FHIT: variants seen among roughly 807,000 people sequenced by gnomAD.
FHIT encodes fragile histidine triad diadenosine triphosphatase.
Under a neutral mutation model 17.9 loss-of-function variants are expected in FHIT, and 19 were observed. The observed-to-expected ratio is 1.06, with a 90% CI of 0.74 to 1.56. The LOEUF (loss-of-function observed/expected upper bound fraction) is 1.56. FHIT is among the 40% of genes most tolerant of loss of function. The pLI, the probability that FHIT is intolerant of heterozygous loss-of-function variation, is 0.00. For synonymous variants in FHIT, 81 were observed against 69.7 expected (o/e 1.16, Z -0.81); for missense variants, 248 against 189.2 (o/e 1.31, Z -1.82).
chr3:61,026,689 A>G (rs972432729), intron 3 of FHIT, among the ~76,000 whole-genome samples: 2 of 152,082 alleles, frequency 1.3e-5, no homozygotes, highest in African/African-American at 4.8e-5. Flanking sequence ...AGTTGCCGTT[A>G]GTGTATTTTA....
At chr3:60,339,917 T>G (rs1710433219) in intron 5 of FHIT, among the ~76,000 whole-genome samples, 1 of 152,112 alleles carries the variant, frequency 6.6e-6, no homozygotes, top group African/African-American at 2.4e-5. Context: ...AATCTTTATT[T>G]CCAAAAGAGG....
At chr3:60,392,769 A>T (rs1051370652) in intron 5 of FHIT, among the ~76,000 whole-genome samples, 10 of 152,200 alleles carry the variant, frequency 6.6e-5, no homozygotes, top group Non-Finnish European at 1.0e-4. Flanking sequence ...AGCAGTGGCT[A>T]CCAAGAGGTG....
chr3:60,608,688 A>C (rs540158151), intron 4 of FHIT, among the ~76,000 whole-genome samples: 1 of 152,258 alleles, frequency 6.6e-6, no homozygotes, highest in East Asian at 1.9e-4. Context: ...CACAATCTAG[A>C]CTTTGTTTTT....
At chr3:61,066,558 T>G (rs927680866) in intron 2 of FHIT, among the ~76,000 whole-genome samples, 6 of 152,150 alleles carry the variant, frequency 3.9e-5, no homozygotes, top group African/African-American at 1.4e-4. Flanking sequence ...AAGGTTGCAG[T>G]GAGCAGAGAT....
intron 5 of FHIT, among the ~76,000 whole-genome samples, chr3:60,518,852 T>C (rs2035255285): frequency 6.6e-6 from 1 of 152,040 alleles, no homozygotes. Context: ...CTACTAAAAA[T>C]ACAAAAATTA....
rs540629921 is a variant in FHIT, at chr3:59,908,328, A to T, written c.348+14018T>A. On this transcript the variant is annotated intron_variant, in intron 8 of 9. Coordinates refer to ENST00000492590, the MANE Select transcript of FHIT (RefSeq NM_002012.4). ...CATGAATGTCTGCTGGAGGCACCTA[A>T]TTTCCTGCAGGTCTTAGCAAAGTAT... is the stretch of plus-strand genomic sequence containing the variant. 2.8e-4 allele frequency among the ~76,000 whole-genome samples: 43 copies of T among 152,356 alleles called. No homozygotes were observed. The South Asian group carries it at 5.4e-3, about 19-fold the overall frequency.
intron 5 of FHIT, among the ~76,000 whole-genome samples, chr3:60,316,404 TA>T (rs1197336661): frequency 1.3e-5 from 2 of 152,158 alleles, no homozygotes; most frequent in Non-Finnish European, 2.9e-5. Flanking sequence ...ACTTTAGTAA[TA>T]AACTTAGGAT....
intron 6 of FHIT, among the ~76,000 whole-genome samples, chr3:60,013,242 T>C (rs1700209743): frequency 6.6e-6 from 1 of 152,118 alleles, no homozygotes; most frequent in South Asian, 2.1e-4. Context: ...AAACATTCAG[T>C]TTAACTAACA....
rs569652554 is a variant in FHIT at position 60,716,728 on chromosome 3, G to A, written c.-18+105191C>T. ...CATTATCAAGTATTATGTACTGTAT[G>A]TAATTGTATGTGCTATACAGCTGGC... is the stretch of plus-strand genomic sequence containing the variant. On this transcript the variant is annotated intron_variant, in intron 4 of 9. Coordinates refer to ENST00000492590, the MANE Select transcript of FHIT (RefSeq NM_002012.4). 4.6e-5 allele frequency among the ~76,000 whole-genome samples: 7 copies of A among 152,252 alleles called. No homozygotes were observed. The South Asian group carries it at 1.0e-3, about 23-fold the overall frequency.
chr3:59,932,619 G>A (rs2107234288), intron 7 of FHIT, among the ~76,000 whole-genome samples: 1 of 152,244 alleles, frequency 6.6e-6, no homozygotes, highest in African/African-American at 2.4e-5. Context: ...ACTTTTGGGG[G>A]CAAAGTAATC....
intron 5 of FHIT, among the ~76,000 whole-genome samples, chr3:60,445,327 C>A (rs411734): frequency 6.6e-6 from 1 of 151,822 alleles, no homozygotes; most frequent in Non-Finnish European, 1.5e-5. Flanking sequence ...TCAGGGTAAC[C>A]TGTATCACAG....
chr3:60,568,065 T>G (rs1220672355), intron 4 of FHIT, among the ~76,000 whole-genome samples: 1 of 152,194 alleles, frequency 6.6e-6, no homozygotes, highest in Non-Finnish European at 1.5e-5. Context: ...CTCAGGGATC[T>G]TGAACTAGAA....
chr3:60,879,369 C>T (rs1209718157), intron 3 of FHIT, among the ~76,000 whole-genome samples: 2 of 152,302 alleles, frequency 1.3e-5, no homozygotes, highest in East Asian at 3.9e-4. Context: ...GAAACAAAGT[C>T]ACCACACTTT....
At chr3:59,883,936 T>A (rs1703513948) in intron 8 of FHIT, among the ~76,000 whole-genome samples, 1 of 152,248 alleles carries the variant, frequency 6.6e-6, no homozygotes, top group South Asian at 2.1e-4. Context: ...TTATCTGATT[T>A]GGCAAAAATG....
intron 2 of FHIT, among the ~76,000 whole-genome samples, chr3:61,180,285 G>C (rs1377419688): frequency 6.6e-6 from 1 of 152,198 alleles, no homozygotes; most frequent in African/African-American, 2.4e-5. Flanking sequence ...GGCTCAGCAA[G>C]TGATTTAGAG....
At chr3:59,830,531 G>T (rs1701128384) in intron 8 of FHIT, among the ~76,000 whole-genome samples, 1 of 152,180 alleles carries the variant, frequency 6.6e-6, no homozygotes, top group African/African-American at 2.4e-5. Context: ...AGCAATCAGA[G>T]GTTGTTGAAA....
intron 5 of FHIT, among the ~76,000 whole-genome samples, chr3:60,092,709 C>T (rs935123606): frequency 1.3e-5 from 2 of 152,010 alleles, no homozygotes; most frequent in Non-Finnish European, 2.9e-5. Context: ...CAAGAGGGGC[C>T]AAGATATCTG....
chr3:60,237,072 A>G (rs1407996456), intron 5 of FHIT, among the ~76,000 whole-genome samples: 1 of 152,130 alleles, frequency 6.6e-6, no homozygotes, highest in East Asian at 1.9e-4. Flanking sequence ...CATGGTGACT[A>G]AAATATATTG....
chr3:60,516,487 G>A (rs1378485111), intron 5 of FHIT, among the ~76,000 whole-genome samples: 2 of 152,072 alleles, frequency 1.3e-5, no homozygotes, highest in African/African-American at 4.8e-5. Flanking sequence ...GGGACCTTCC[G>A]GGGCCCCAGG....
Sources: gnomAD v4.1 joint callset for allele counts (sites outside exome capture counted in the v4.1 genomes callset) on GRCh38, gnomAD v4.1.1 for gene constraint, MANE v1.5 for transcripts, NCBI Gene and HGNC (gene_info 2026-07-23, HGNC 2026-07-21) for gene names.